The following CLSTN2 variants were observed in gnomAD, a reference collection of about 807,000 sequenced individuals.
CLSTN2 encodes the protein calsyntenin-2.
A neutral mutation model predicts 101.2 loss-of-function variants in CLSTN2; 48 were observed. The ratio of observed to expected loss-of-function variants is 0.47; its 90% CI spans 0.38 to 0.60. CLSTN2 has a LOEUF of 0.60. Ranked by LOEUF, CLSTN2 falls within the 20% of genes least tolerant of loss-of-function variation. The pLI is 0.00. For synonymous variants in CLSTN2, 481 were observed against 463.6 expected (o/e 1.04, Z -0.48); for missense variants, 1,160 against 1,238.2 (o/e 0.94, Z 0.95).
chr3:140,382,990 C>A (rs934436341), intron 2 of CLSTN2, among the ~76,000 whole-genome samples: 3 of 152,124 alleles, frequency 2.0e-5, no homozygotes, highest in Admixed American at 6.5e-5. Flanking sequence ...ACAGCAATAA[C>A]CCTGCTCAAA....
chr3:140,363,015 T>C (rs1022299421), intron 2 of CLSTN2, among the ~76,000 whole-genome samples: 3 of 152,162 alleles, frequency 2.0e-5, no homozygotes, highest in Non-Finnish European at 2.9e-5. Context: ...CATGTCTACA[T>C]ACAGACTTGT....
chr3:140,443,372 A>T (rs1933002826), intron 5 of CLSTN2, among the ~76,000 whole-genome samples: 1 of 152,230 alleles, frequency 6.6e-6, no homozygotes, highest in Non-Finnish European at 1.5e-5. Flanking sequence ...AGTCTCTTAG[A>T]TTAGCTTTAT....
intron 2 of CLSTN2, among the ~76,000 whole-genome samples, chr3:140,188,646 G>C (rs2010515107): frequency 6.6e-6 from 1 of 152,160 alleles, no homozygotes; most frequent in Non-Finnish European, 1.5e-5. Flanking sequence ...ACAGAGCAAG[G>C]AAAGAGACTG....
intron 1 of CLSTN2, among the ~76,000 whole-genome samples, chr3:140,078,418 G>A (rs927587737): frequency 6.6e-6 from 1 of 152,160 alleles, no homozygotes; most frequent in African/African-American, 2.4e-5. Flanking sequence ...ACCAATGTGT[G>A]ATATAATGTA....
chr3:140,543,729 G>A (rs538236172), intron 9 of CLSTN2, among the ~76,000 whole-genome samples: 1 of 152,240 alleles, frequency 6.6e-6, no homozygotes, highest in African/African-American at 2.4e-5. Flanking sequence ...GTCCAGGAAA[G>A]AGAGCAAGAA....
At chr3:139,968,128 C>T (rs985697254) in intron 1 of CLSTN2, among the ~76,000 whole-genome samples, 1 of 152,050 alleles carries the variant, frequency 6.6e-6, no homozygotes, top group African/African-American at 2.4e-5. Context: ...GCCTATATAC[C>T]CTGTTGAACA....
intron 5 of CLSTN2, among the ~76,000 whole-genome samples, chr3:140,427,644 G>T (rs908728991): frequency 3.9e-5 from 6 of 152,128 alleles, no homozygotes; most frequent in Non-Finnish European, 8.8e-5. Context: ...GAAGGCTACA[G>T]ACACTCCCAG....
intron 1 of CLSTN2, among the ~76,000 whole-genome samples, chr3:140,048,106 A>G (rs1208168341): frequency 6.6e-6 from 1 of 152,240 alleles, no homozygotes; most frequent in African/African-American, 2.4e-5. Flanking sequence ...ATGGCTGAAA[A>G]TTGTGATCAA....
chr3:140,107,232 C>T (rs1374516790), intron 1 of CLSTN2, among the ~76,000 whole-genome samples: 3 of 152,210 alleles, frequency 2.0e-5, no homozygotes, highest in Non-Finnish European at 4.4e-5. Context: ...CCCCTGCCAT[C>T]TTTCCCTAAA....
At chr3:140,149,101 A>T (rs191351489) in intron 1 of CLSTN2, among the ~76,000 whole-genome samples, 3 of 152,288 alleles carry the variant, frequency 2.0e-5, no homozygotes, top group Non-Finnish European at 4.4e-5. Flanking sequence ...AACTCTTTTC[A>T]TTCTGAGAAC....
At chr3:140,145,698 T>C (rs1020630645) in intron 1 of CLSTN2, among the ~76,000 whole-genome samples, 8 of 152,232 alleles carry the variant, frequency 5.3e-5, no homozygotes, top group Non-Finnish European at 1.2e-4. Context: ...AATTGTAACA[T>C]ATTTCCAGCT....
At chr3:140,301,702 G>A (rs77904405) in intron 2 of CLSTN2, among the ~76,000 whole-genome samples, 3,636 of 152,272 alleles carry the variant, frequency 0.024, 151 homozygotes, top group African/African-American at 0.081. Context: ...GAATCTCAAG[G>A]ACTTACAGTT....
intron 1 of CLSTN2, among the ~76,000 whole-genome samples, chr3:140,025,351 G>C (rs1402819788): frequency 6.6e-6 from 1 of 152,224 alleles, no homozygotes; most frequent in Non-Finnish European, 1.5e-5. Flanking sequence ...TCCAGGTGCA[G>C]CTTTGCAAGA....
chr3:140,478,513 A>T (rs1002879405), intron 8 of CLSTN2, among the ~76,000 whole-genome samples: 3 of 152,222 alleles, frequency 2.0e-5, no homozygotes, highest in African/African-American at 7.2e-5. Flanking sequence ...TACTTAATTT[A>T]CATTAAATTT....
intron 1 of CLSTN2, among the ~76,000 whole-genome samples, chr3:140,056,933 G>T (rs2008108286): frequency 6.6e-6 from 1 of 152,172 alleles, no homozygotes; most frequent in Non-Finnish European, 1.5e-5. Flanking sequence ...AGAGGGTAGG[G>T]TGGGACCCAG....
intron 1 of CLSTN2, among the ~76,000 whole-genome samples, chr3:140,020,643 C>T (rs2007294735): frequency 6.6e-6 from 1 of 152,176 alleles, no homozygotes; most frequent in African/African-American, 2.4e-5. Context: ...GCCAGACAGG[C>T]TCTGGGCTCT....
intron 8 of CLSTN2, among the ~76,000 whole-genome samples, chr3:140,530,015 G>A (rs1935221778): frequency 6.6e-6 from 1 of 152,126 alleles, no homozygotes; most frequent in African/African-American, 2.4e-5. Flanking sequence ...AAAAAACATT[G>A]ATAATATGTA....
At chr3:140,267,691 G>A (rs2086707970) in intron 2 of CLSTN2, among the ~76,000 whole-genome samples, 1 of 152,182 alleles carries the variant, frequency 6.6e-6, no homozygotes, top group African/African-American at 2.4e-5. Context: ...AGGAGACAGG[G>A]AATCTTTGAA....
chr3:140,037,857 G>A (rs4683469), intron 1 of CLSTN2, among the ~76,000 whole-genome samples: 1 of 151,960 alleles, frequency 6.6e-6, no homozygotes, highest in Non-Finnish European at 1.5e-5. Context: ...CTATCCATGT[G>A]CCTCCAAAAA....
Sources: allele counts gnomAD v4.1 joint callset (sites outside exome capture counted in the v4.1 genomes callset), GRCh38; gene constraint gnomAD v4.1.1; transcripts MANE v1.5; gene names NCBI Gene and HGNC (gene_info 2026-07-23, HGNC 2026-07-21).